PPP1R42: variants seen among roughly 807,000 people sequenced by gnomAD.
The protein encoded by PPP1R42 is protein phosphatase 1 regulatory subunit 42, also known as leucine rich repeat containing 67.
Under a neutral mutation model 31.0 loss-of-function variants are expected in PPP1R42, and 34 were observed. That is an observed-to-expected ratio of 1.10 (90% CI 0.83 to 1.46). PPP1R42 has a LOEUF of 1.46. PPP1R42 is among the 40% of genes most tolerant of loss of function. The pLI, the probability that PPP1R42 is intolerant of heterozygous loss-of-function variation, is 0.00. For synonymous variants in PPP1R42, 103 were observed against 109.8 expected, an observed-to-expected ratio of 0.94 and a Z score of 0.39; for missense variants, 268 against 303.0, an observed-to-expected ratio of 0.88 and a Z score of 0.86.
rs188708803 is a variant in PPP1R42, at chr8:66,975,146, T to C, written c.802+6903A>G. On this transcript the variant is annotated intron_variant, in intron 7 of 7. Transcript: ENST00000685739. ...GAGGTGTCTTTTCATTTGTGTCTTG[T>C]TTAATTTCTTTTAAAATTTATAAGC... is the stretch of plus-strand genomic sequence containing the variant. Among the ~76,000 whole-genome samples, 230 of 152,358 alleles carry C rather than the reference T, an allele frequency of 1.5e-3. 1 individual carries two copies. Among genetic ancestry groups the C allele is most frequent in the African/African-American group, 5.4e-3 (224 of 41,594 alleles).
chr8:66,993,736 C>T (rs1478084744), intron 5 of PPP1R42, among the ~76,000 whole-genome samples: 1 of 152,162 alleles, frequency 6.6e-6, no homozygotes, highest in Non-Finnish European at 1.5e-5. Context: ...GTTGAGAATT[C>T]CTCAAGGCCA....
intron 1 of PPP1R42, among the ~76,000 whole-genome samples, chr8:67,018,817 C>T: frequency 2.6e-5 from 1 of 39,076 alleles, no homozygotes; most frequent in Non-Finnish European, 6.7e-5. Flanking sequence ...GGCCCCCGCC[C>T]CCCCCCCCTT....
intron 7 of PPP1R42, among the ~76,000 whole-genome samples, chr8:66,971,313 C>T (rs967737379): frequency 4.6e-5 from 7 of 152,036 alleles, no homozygotes; most frequent in Admixed American, 3.3e-4. Flanking sequence ...CTTTCATATA[C>T]AAAAACCTAT....
At chr8:66,986,406 T>C (rs543043165) in intron 6 of PPP1R42, among the ~76,000 whole-genome samples, 23 of 152,238 alleles carry the variant, frequency 1.5e-4, no homozygotes, top group Non-Finnish European at 2.9e-4. Flanking sequence ...GCTCACAAAC[T>C]TCAGCCCCGA....
chr8:66,988,441 G>C lies in PPP1R42; in HGVS notation c.629C>G (p.Pro210Arg). Residue 210 changes from proline (P) to arginine (R), a missense_variant, in exon 6 of 8, where the codon CCA (proline) becomes CGA (arginine). Transcript: ENST00000685739. ...DLNGNPVCLK[P>R]KYRDRLILVS... ...CAATATCAGTCTGTCCCTGTATTTT[G>C]GTTTGAGACAAACAGGATTTCCATT... 6.2e-7 allele frequency: 1 copy of C among 1,605,858 alleles called. No homozygotes were observed. The highest frequency in any genetic ancestry group is 8.5e-7 in the Non-Finnish European group (1 of 1,175,140).
intron 5 of PPP1R42, among the ~76,000 whole-genome samples, chr8:66,997,478 G>A (rs1815365500): frequency 6.7e-6 from 1 of 150,318 alleles, no homozygotes; most frequent in South Asian, 2.1e-4. Context: ...TAAAAAAAAA[G>A]AGTGATTCTC....
At chr8:67,025,425 T>C (rs945574728) in intron 1 of PPP1R42, among the ~76,000 whole-genome samples, 1 of 152,180 alleles carries the variant, frequency 6.6e-6, no homozygotes, top group South Asian at 2.1e-4. Flanking sequence ...CACTTGAGTT[T>C]TTACTTCAGG....
intron 5 of PPP1R42, among the ~76,000 whole-genome samples, chr8:66,990,283 T>G (rs899888017): frequency 6.6e-6 from 1 of 151,174 alleles, no homozygotes; most frequent in East Asian, 1.9e-4. Context: ...ATACAAACAC[T>G]TAGAGAACGT....
chr8:67,003,089 C>T (rs1332063488), intron 5 of PPP1R42, among the ~76,000 whole-genome samples: 1 of 149,620 alleles, frequency 6.7e-6, no homozygotes, highest in Non-Finnish European at 1.5e-5. Flanking sequence ...TCTTTTGAAC[C>T]CCGGAGGCGG....
At chr8:67,020,361 C>T (rs763960385) in intron 1 of PPP1R42, among the ~76,000 whole-genome samples, 14 of 151,964 alleles carry the variant, frequency 9.2e-5, no homozygotes, top group Non-Finnish European at 1.5e-4. Flanking sequence ...CCACCATGCC[C>T]GGCTAATTTT....
intron 1 of PPP1R42, among the ~76,000 whole-genome samples, chr8:67,020,950 A>C (rs1585688870): frequency 6.6e-6 from 1 of 152,304 alleles, no homozygotes; most frequent in South Asian, 2.1e-4. Context: ...GACTATCTCT[A>C]AATAAGTAAA....
At position 66,964,116 on chromosome 8, in the gene PPP1R42, C is replaced by T; in HGVS notation, c.*205G>A. 2.7e-6 allele frequency: 1 copy of T among 368,156 alleles called. No individual in the cohort carries two copies. 22.8% of individuals were successfully genotyped at this position (368,156 alleles called of 1,614,324 possible). A position where few individuals can be genotyped will look rare whatever the true frequency, so the allele number is the denominator to read the frequency against. ...TCAAACAATAACTTAAAAGTTTTTCCTTATATTATGAGATACCATAAAGCT... is the reference window on the plus strand; with the variant it reads ...TCAAACAATAACTTAAAAGTTTTTCTTTATATTATGAGATACCATAAAGCT... On this transcript the variant is annotated 3_prime_UTR_variant, in exon 8 of 8. Coordinates refer to ENST00000685739, the MANE Select transcript of PPP1R42 (RefSeq NM_001364910.1).
chr8:66,988,180 A>G (rs1815083199), intron 6 of PPP1R42: 9 of 1,165,398 alleles, frequency 7.7e-6, no homozygotes, highest in Non-Finnish European at 9.5e-6. Context: ...CTCCTTAAGG[A>G]ATAAGTATCA....
intron 6 of PPP1R42, chr8:66,985,182 C>G (rs911774197): frequency 1.6e-4 from 175 of 1,126,592 alleles, no homozygotes; most frequent in Non-Finnish European, 2.2e-4. Flanking sequence ...GAAGCTTCTC[C>G]AGTTGAGCCT....
intron 1 of PPP1R42, among the ~76,000 whole-genome samples, chr8:67,027,449 G>T (rs2129537335): frequency 6.6e-6 from 1 of 152,226 alleles, no homozygotes; most frequent in Middle Eastern, 3.4e-3. Flanking sequence ...GCAAGCTATA[G>T]GAAAACTTTC....
At chr8:67,000,022 T>A (rs1245508336) in intron 5 of PPP1R42, among the ~76,000 whole-genome samples, 1 of 152,204 alleles carries the variant, frequency 6.6e-6, no homozygotes, top group Non-Finnish European at 1.5e-5. Flanking sequence ...TTTATTAATA[T>A]TTGCAAAGAA....
At chr8:67,026,625 C>T (rs571291827) in intron 1 of PPP1R42, among the ~76,000 whole-genome samples, 5 of 151,958 alleles carry the variant, frequency 3.3e-5, no homozygotes, top group South Asian at 2.1e-4. Flanking sequence ...TGCTTGAGCC[C>T]AGGAGTTCGA....
At chr8:67,013,233 A>G (rs1815897337) in intron 3 of PPP1R42, 137 bp from the exon 4 acceptor site, 2 of 614,258 alleles carry the variant, frequency 3.3e-6, no homozygotes, top group South Asian at 7.1e-5. Context: ...TATTGAATCT[A>G]TGAAAGGTTG....
intron 5 of PPP1R42, among the ~76,000 whole-genome samples, chr8:66,991,551 T>TG (rs1211977653): frequency 6.6e-6 from 1 of 152,206 alleles, no homozygotes; most frequent in African/African-American, 2.4e-5. Context: ...CCAATTTTAC[T>TG]GGGGAGAAGT....
Sources: allele counts gnomAD v4.1 joint callset (sites outside exome capture counted in the v4.1 genomes callset), GRCh38; gene constraint gnomAD v4.1.1; transcripts MANE v1.5; gene names NCBI Gene and HGNC (gene_info 2026-07-23, HGNC 2026-07-21).